DCDC2: variants seen among roughly 807,000 people sequenced by gnomAD.
The protein encoded by DCDC2 is doublecortin domain-containing protein 2.
In DCDC2, 40 loss-of-function variants were observed where a neutral mutation model predicts 50.2. That is an observed-to-expected ratio of 0.80 (90% CI 0.62 to 1.04). DCDC2 has a LOEUF of 1.04. DCDC2 is among the 50% of genes least tolerant of loss of function. The probability of loss-of-function intolerance (pLI) is 0.00; values close to 1 mark genes in which losing one functional copy is unlikely to be tolerated. For missense variants in DCDC2, 570 were observed against 581.9 expected, an observed-to-expected ratio of 0.98 and a Z score of 0.21; for synonymous variants, 234 against 210.6, an observed-to-expected ratio of 1.11 and a Z score of -0.96.
chr6:24,199,531 G>A (rs1761534145), intron 8 of DCDC2, among the ~76,000 whole-genome samples: 1 of 152,140 alleles, frequency 6.6e-6, no homozygotes, highest in Non-Finnish European at 1.5e-5. Context: ...AAGACCAAAG[G>A]TAGATAAATC....
chr6:24,240,318 G>C (rs1194625160), intron 7 of DCDC2, among the ~76,000 whole-genome samples: 1 of 152,130 alleles, frequency 6.6e-6, no homozygotes, highest in Non-Finnish European at 1.5e-5. Flanking sequence ...GAAGAGGCTG[G>C]AGTATTAATT....
intron 7 of DCDC2, among the ~76,000 whole-genome samples, chr6:24,234,443 T>C (rs934576727): frequency 6.6e-6 from 1 of 152,080 alleles, no homozygotes; most frequent in Admixed American, 6.5e-5. Flanking sequence ...CAGATTTTGT[T>C]TGGACAGATA....
chr6:24,332,222 C>T (rs1441295910), intron 2 of DCDC2, among the ~76,000 whole-genome samples: 1 of 151,732 alleles, frequency 6.6e-6, no homozygotes, highest in East Asian at 1.9e-4. Flanking sequence ...GAATCTATTT[C>T]CCCTCCCCGA....
chr6:24,294,822 G>A (rs1314008419), intron 4 of DCDC2, among the ~76,000 whole-genome samples: 4 of 152,066 alleles, frequency 2.6e-5, no homozygotes, highest in South Asian at 2.1e-4. Flanking sequence ...AATTGAATCC[G>A]TAATGAATAG....
At chr6:24,348,049 T>C (rs1760300063) in intron 2 of DCDC2, among the ~76,000 whole-genome samples, 1 of 152,152 alleles carries the variant, frequency 6.6e-6, no homozygotes, top group South Asian at 2.1e-4. Flanking sequence ...CAGACAACTC[T>C]GATGTATATG....
rs1554146328 is a variant in DCDC2 at position 24,220,879 on chromosome 6, A to AGCGAGC, written c.923-15778_923-15777insGCTCGC. 7.0e-4 allele frequency among the ~76,000 whole-genome samples: 75 copies of AGCGAGC among 107,022 alleles called. 1 individual carries two copies. The highest frequency in any genetic ancestry group is 4.4e-3 in the Middle Eastern group (1 of 226). The allele number at this position is 107,022 out of a possible 152,430, so 70.2% of individuals were successfully genotyped here. A position where few individuals can be genotyped will look rare whatever the true frequency, so the allele number is the denominator to read the frequency against. ...GAGAGAGACAGAGAGCAAGAGAGCG[A>AGCGAGC]GAGCGAGAGAGTGAGCGAGCGAGCG... On this transcript the variant is annotated intron_variant, in intron 7 of 9. Coordinates refer to ENST00000378454, the MANE Select transcript of DCDC2 (RefSeq NM_016356.5).
In DCDC2 at chr6:24,357,955, G is replaced by C. The variant is rs1047856834; in HGVS notation, c.-205C>G. On this transcript the variant is annotated 5_prime_UTR_variant, in exon 1 of 10. Transcript: ENST00000378454. ...CTAGGAGCTTGCAGGACTCGGAGTA[G>C]ACGCTCAAGTTTTTCACCGTGGCGT... The C allele has an allele frequency of 1.3e-6, 2 of 1,496,838 alleles. No individual in the cohort carries two copies. The highest frequency in any genetic ancestry group is 8.9e-7 in the Non-Finnish European group (1 of 1,123,246). The allele number at this position is 1,496,838 out of a possible 1,614,324, so 92.7% of individuals were successfully genotyped here.
At chr6:24,180,600 T>TC (rs1049438271) in intron 8 of DCDC2, among the ~76,000 whole-genome samples, 1 of 151,820 alleles carries the variant, frequency 6.6e-6, no homozygotes, top group Non-Finnish European at 1.5e-5. Flanking sequence ...GGGTTTTTTT[T>TC]AATGATAGGG....
intron 2 of DCDC2, among the ~76,000 whole-genome samples, chr6:24,340,239 TC>T (rs964298991): frequency 4.6e-5 from 7 of 152,160 alleles, no homozygotes; most frequent in Non-Finnish European, 2.9e-5. Flanking sequence ...TATACATCAT[TC>T]CTTCCAGGAA....
intron 7 of DCDC2, among the ~76,000 whole-genome samples, chr6:24,240,968 C>G (rs1380460988): frequency 6.6e-6 from 1 of 152,178 alleles, no homozygotes; most frequent in African/African-American, 2.4e-5. Context: ...ATACTGATAT[C>G]AAGGCAATCA....
At chr6:24,257,462 T>C (rs940622271) in intron 7 of DCDC2, among the ~76,000 whole-genome samples, 2 of 152,182 alleles carry the variant, frequency 1.3e-5, no homozygotes, top group African/African-American at 4.8e-5. Flanking sequence ...CACCTGCTGT[T>C]GTAATACACC....
At chr6:24,277,183 G>A (rs904687149) in intron 7 of DCDC2, among the ~76,000 whole-genome samples, 3 of 151,888 alleles carry the variant, frequency 2.0e-5, no homozygotes, top group Non-Finnish European at 2.9e-5. Flanking sequence ...GGAGCTCCCA[G>A]GTGGAAGGTA....
chr6:24,380,156 T>G, the DCDC2 span, among the ~76,000 whole-genome samples: 5 of 152,062 alleles, frequency 3.3e-5, no homozygotes, highest in Non-Finnish European at 7.4e-5. Context: ...AACCTGCACA[T>G]TGTGCACGTG....
At chr6:24,376,737 C>CAAAAA in the DCDC2 span, among the ~76,000 whole-genome samples, 15 of 46,730 alleles carry the variant, frequency 3.2e-4, no homozygotes, top group African/African-American at 5.9e-4. Context: ...CAGGTATATG[C>CAAAAA]AAAAAAAAAA....
intron 7 of DCDC2, chr6:24,205,438 C>T (rs1761699564): frequency 9.2e-7 from 1 of 1,089,768 alleles, no homozygotes; most frequent in Admixed American, 3.1e-5. Flanking sequence ...CAGTTCTCCC[C>T]TCCTATTCAC....
chr6:24,283,566 A>G lies in DCDC2; in HGVS notation c.759+5286T>C, dbSNP rs147731786. Among the ~76,000 whole-genome samples, 223 of 152,300 alleles carry G rather than the reference A, an allele frequency of 1.5e-3. 2 individuals are homozygous for G. In the East Asian group the frequency reaches 0.016, roughly 11 times the overall value. ...TAGTTCTGTGTCCCCTTTGATTTGC[A>G]TCATGAATTTAGGGTGCTTTCCCCA... On this transcript the variant is annotated intron_variant, in intron 6 of 9. Transcript: ENST00000378454.
chr6:24,327,196 A>G (rs1294544210), intron 2 of DCDC2, among the ~76,000 whole-genome samples: 2 of 149,596 alleles, frequency 1.3e-5, no homozygotes, highest in African/African-American at 2.4e-5. Context: ...TTTCGTCACC[A>G]ATTCACAGTT....
intron 2 of DCDC2, among the ~76,000 whole-genome samples, chr6:24,342,126 C>T (rs578064174): frequency 1.3e-5 from 2 of 152,300 alleles, no homozygotes; most frequent in Middle Eastern, 3.4e-3. Flanking sequence ...TCCCTTATTC[C>T]TTTAATGCAT....
At chr6:24,380,297 C>T in the DCDC2 span, among the ~76,000 whole-genome samples, 1 of 152,146 alleles carries the variant, frequency 6.6e-6, no homozygotes, top group Non-Finnish European at 1.5e-5. Flanking sequence ...AGTACCATTT[C>T]TAACCAATCA....
Sources: gnomAD v4.1 joint callset for allele counts (sites outside exome capture counted in the v4.1 genomes callset) on GRCh38, gnomAD v4.1.1 for gene constraint, MANE v1.5 for transcripts, NCBI Gene and HGNC (gene_info 2026-07-23, HGNC 2026-07-21) for gene names.